The following MXRA7 variants were observed in gnomAD, a reference collection of about 807,000 sequenced individuals.
MXRA7 encodes matrix-remodeling-associated protein 7.
In MXRA7, 18 loss-of-function variants were observed where a neutral mutation model predicts 17.4. The ratio of observed to expected loss-of-function variants is 1.03; its 90% CI spans 0.71 to 1.53. MXRA7 has a LOEUF of 1.53. Among genes scored for constraint, MXRA7 ranks in the 40% most tolerant of loss-of-function variants. The pLI, the probability that MXRA7 is intolerant of heterozygous loss-of-function variation, is 0.00. For missense variants in MXRA7, 141 were observed against 209.3 expected (o/e 0.67, Z 2.01); for synonymous variants, 70 against 101.7 (o/e 0.69, Z 1.87).
chr17:76,681,066 C>T lies in MXRA7; in HGVS notation c.501-187G>A, dbSNP rs1279134788. ...TCGCTTGCAGCAAGACAGTCTGTGCCGCCAAGCCGGCCAGAGCTTGCAGAG... is the reference window on the plus strand; with the variant it reads ...TCGCTTGCAGCAAGACAGTCTGTGCTGCCAAGCCGGCCAGAGCTTGCAGAG... On this transcript the variant is annotated intron_variant, in intron 3 of 3. Coordinates refer to ENST00000449428, the MANE Select transcript of MXRA7 (RefSeq NM_198530.4). The surrounding 1 kb of genome is among the most constrained non-coding windows in gnomAD (Gnocchi z 4.7). 4.6e-5 allele frequency among the ~76,000 whole-genome samples: 7 copies of T among 152,172 alleles called. No individual in the cohort carries two copies. Among genetic ancestry groups the T allele is most frequent in the Admixed American group, 1.3e-4 (2 of 15,280 alleles).
downstream of MXRA7, chr17:76,677,392 C>T: frequency 1.9e-6 from 1 of 513,064 alleles, no homozygotes; most frequent in Admixed American, 3.3e-5. Context: ...GGGACTTTGT[C>T]TTCTGAATAA....
At position 76,707,291 on chromosome 17, in the gene MXRA7, C is replaced by CTTTTTTTTTT. The variant is rs56067261; in HGVS notation, c.342+3304_342+3313dup. Among the ~76,000 whole-genome samples, 99 of 96,092 alleles carry CTTTTTTTTTT rather than the reference C, an allele frequency of 1.0e-3. 4 individuals are homozygous for CTTTTTTTTTT. The highest frequency in any genetic ancestry group is 2.5e-3 in the African/African-American group (52 of 21,076). 63.0% of individuals were successfully genotyped at this position (96,092 alleles called of 152,430 possible). Reference sequence around the variant, plus strand: ...CACTGCCTTGCAGGAAGTCCCTACTCTTTTTTTTTTTTTTTTTTTTTTTTT... The same window carrying CTTTTTTTTTT: ...CACTGCCTTGCAGGAAGTCCCTACTCTTTTTTTTTTTTTTTTTTTTTTTTTTTTTTTTTTT... On this transcript the variant is annotated intron_variant, in intron 1 of 3. Transcript: ENST00000449428.
At chr17:76,691,917 C>T (rs147745962) in intron 1 of MXRA7, among the ~76,000 whole-genome samples, 42 of 152,260 alleles carry the variant, frequency 2.8e-4, no homozygotes, top group Non-Finnish European at 8.8e-5. Context: ...TTACGGAGCT[C>T]GTGGTCCAGT....
rs562106790 is a variant in MXRA7, at chr17:76,709,203, CTGAG to C, written c.342+1398_342+1401del. On this transcript the variant is annotated intron_variant, in intron 1 of 3. Coordinates refer to ENST00000449428, the MANE Select transcript of MXRA7 (RefSeq NM_198530.4). ...GCCAGCCCTGTAAGGCCAGGACTGA[CTGAG>C]TGTGCATGACGGCTCCAGAACTGTC... Among the ~76,000 whole-genome samples the C allele has an allele frequency of 4.6e-5, 7 of 152,330 alleles. No homozygotes were observed. In the East Asian group the frequency reaches 1.4e-3, roughly 29 times the overall value.
Position 76,686,138 on chromosome 17 carries a change from G to C in MXRA7, c.407-973C>G, listed in dbSNP as rs559018637. On this transcript the variant is annotated intron_variant, in intron 2 of 3. Transcript: ENST00000449428. The stretch of plus-strand genomic sequence containing the variant: ...CTGATGTGGACCGATGGGGAGGCGG[G>C]GGGGCTCTCAGGGTGAAAGGAAGAA... 4.3e-4 allele frequency among the ~76,000 whole-genome samples: 65 copies of C among 152,300 alleles called. 1 individual carries two copies. Among genetic ancestry groups the C allele is most frequent in the African/African-American group, 1.4e-3 (60 of 41,556 alleles).
intron 1 of MXRA7, among the ~76,000 whole-genome samples, chr17:76,706,103 T>C (rs1348908080): frequency 6.6e-6 from 1 of 151,598 alleles, no homozygotes. Context: ...AGGCCCACGC[T>C]GCCATCACAA....
chr17:76,685,287 A>G, intron 2 of MXRA7, 122 bp from the exon 3 acceptor site: 2 of 715,500 alleles, frequency 2.8e-6, no homozygotes, highest in Admixed American at 2.3e-5. Context: ...TGGCTATCAG[A>G]GACATCTCAC....
At chr17:76,683,212 A>G (rs1300670701) in intron 3 of MXRA7, among the ~76,000 whole-genome samples, 1 of 152,226 alleles carries the variant, frequency 6.6e-6, no homozygotes, top group Non-Finnish European at 1.5e-5. Flanking sequence ...GCAAACAGCC[A>G]GATACTACTT....
downstream of MXRA7, chr17:76,677,386 C>T (rs1408281940): frequency 2.0e-6 from 1 of 507,884 alleles, no homozygotes; most frequent in East Asian, 3.1e-5. Context: ...GGGTCAGGGA[C>T]TTTGTCTTCT....
downstream of MXRA7, chr17:76,675,248 A>G (rs1328610748): frequency 2.0e-5 from 3 of 152,232 alleles, no homozygotes; most frequent in African/African-American, 7.2e-5. Context: ...AAAGTGGGCA[A>G]TGGAAACACA....
At chr17:76,680,952 G>A in intron 3 of MXRA7, 73 bp from the exon 4 acceptor site, 3 of 1,213,944 alleles carry the variant, frequency 2.5e-6, no homozygotes, top group East Asian at 2.4e-5. Context: ...CAAGGAAAGG[G>A]GGAAATGGGG....
rs1404355855 is a variant in MXRA7 at position 76,703,390 on chromosome 17, G to A, written c.342+7215C>T. On this transcript the variant is annotated intron_variant, in intron 1 of 3. Coordinates refer to ENST00000449428, the MANE Select transcript of MXRA7 (RefSeq NM_198530.4). Reference sequence around the variant, plus strand: ...TAATCCCAGCATTTTGGGAGGCAGCGGCTGGCAGACTGCTTGAGCTCAGCA... The same window carrying A: ...TAATCCCAGCATTTTGGGAGGCAGCAGCTGGCAGACTGCTTGAGCTCAGCA... 2.0e-5 allele frequency among the ~76,000 whole-genome samples: 3 copies of A among 152,132 alleles called. No individual in the cohort carries two copies. The East Asian group carries it at 5.8e-4, about 29-fold the overall frequency.
intron 1 of MXRA7, among the ~76,000 whole-genome samples, chr17:76,705,176 T>C (rs2076642014): frequency 6.6e-6 from 1 of 152,224 alleles, no homozygotes; most frequent in Non-Finnish European, 1.5e-5. Context: ...CTAGCTGACA[T>C]TAGTCTGTAA....
At chr17:76,688,596 G>T in intron 1 of MXRA7, 1 of 1,254,260 alleles carries the variant, frequency 8.0e-7, no homozygotes, top group Non-Finnish European at 1.0e-6. Context: ...CGCAGCCTCT[G>T]GCTTTGCTTC....
At chr17:76,695,273 G>A (rs1296564055) in intron 1 of MXRA7, among the ~76,000 whole-genome samples, 1 of 152,174 alleles carries the variant, frequency 6.6e-6, no homozygotes, top group Non-Finnish European at 1.5e-5. Flanking sequence ...GACTCCAGTA[G>A]TAAGAAGTGC....
chr17:76,701,068 C>T lies in MXRA7; in HGVS notation c.342+9537G>A, dbSNP rs148107779. 9.1e-3 allele frequency among the ~76,000 whole-genome samples: 1,376 copies of T among 151,654 alleles called. 25 individuals carry two copies. The highest frequency in any genetic ancestry group is 0.031 in the African/African-American group (1,275 of 41,308). ...GCTGTGGGAAGTTTGGAATTGCACG[C>T]GGAGGGCTGTGAGCAGGGGCCGGGG... On this transcript the variant is annotated intron_variant, in intron 1 of 3. Transcript: ENST00000449428.
intron 1 of MXRA7, among the ~76,000 whole-genome samples, chr17:76,694,933 G>A: frequency 6.6e-6 from 1 of 152,096 alleles, no homozygotes; most frequent in Middle Eastern, 3.2e-3. Context: ...TGAGGTGGGT[G>A]GATCACCTGA....
At chr17:76,706,292 TGCCGTC>T (rs2076657091) in intron 1 of MXRA7, among the ~76,000 whole-genome samples, 1 of 116,318 alleles carries the variant, frequency 8.6e-6, no homozygotes, top group Non-Finnish European at 1.9e-5. Flanking sequence ...AGGCCCACGC[TGCCGTC>T]ACAGAGGCCC....
intron 1 of MXRA7, among the ~76,000 whole-genome samples, chr17:76,691,281 G>A (rs1352453386): frequency 6.6e-6 from 1 of 152,232 alleles, no homozygotes; most frequent in Non-Finnish European, 1.5e-5. Flanking sequence ...GGAAGCTCCT[G>A]CATTCAGGAC....
Sources: gnomAD v4.1 joint callset for allele counts (sites outside exome capture counted in the v4.1 genomes callset) on GRCh38, gnomAD v4.1.1 for gene constraint, Gnocchi (gnomAD v3.1) non-coding constraint, MANE v1.5 for transcripts, NCBI Gene and HGNC (gene_info 2026-07-23, HGNC 2026-07-21) for gene names.